GYPC: variants seen among roughly 807,000 people sequenced by gnomAD.
GYPC encodes the protein glycophorin-C.
In GYPC, 14 loss-of-function variants were observed where a neutral mutation model predicts 12.6. That is an observed-to-expected ratio of 1.11 (90% CI 0.74 to 1.74). GYPC has a LOEUF of 1.74. Among genes scored for constraint, GYPC ranks in the 40% most tolerant of loss-of-function variants. The probability of loss-of-function intolerance (pLI) is 0.00; values close to 1 mark genes in which losing one functional copy is unlikely to be tolerated. For missense variants in GYPC, 225 were observed against 172.1 expected (o/e 1.31, Z -1.72); for synonymous variants, 78 against 62.1 (o/e 1.26, Z -1.20).
chr2:126,676,872 C>CA (rs1455040013), intron 1 of GYPC, among the ~76,000 whole-genome samples: 1 of 152,134 alleles, frequency 6.6e-6, no homozygotes, highest in Non-Finnish European at 1.5e-5. Flanking sequence ...GTTTCAGAAG[C>CA]AAAATGAAAT....
At chr2:126,695,071 C>G (rs1449402927) in intron 3 of GYPC, among the ~76,000 whole-genome samples, 2 of 152,174 alleles carry the variant, frequency 1.3e-5, no homozygotes, top group Non-Finnish European at 2.9e-5. Flanking sequence ...CAGATTCGCC[C>G]CGTCCTCAGT....
chr2:126,656,174 G>T lies in GYPC; in HGVS notation c.-90G>T. 1 of 1,520,344 alleles carries T rather than the reference G, an allele frequency of 6.6e-7. No homozygotes were observed. Among genetic ancestry groups the T allele is most frequent in the Non-Finnish European group, 8.8e-7 (1 of 1,132,576 alleles). 94.2% of individuals were successfully genotyped at this position (1,520,344 alleles called of 1,614,324 possible). A position where few individuals can be genotyped will look rare whatever the true frequency, so the allele number is the denominator to read the frequency against. ...GTGCCGCTTCCTCTCGCCGCCGAGG[G>T]TCAGGAGCCCGGGAGCGCGACCCTC... is the stretch of plus-strand genomic sequence containing the variant. On this transcript the variant is annotated 5_prime_UTR_variant, in exon 1 of 4. Coordinates refer to ENST00000259254, the MANE Select transcript of GYPC (RefSeq NM_002101.5).
intron 2 of GYPC, among the ~76,000 whole-genome samples, chr2:126,691,975 A>C (rs182581041): frequency 1.3e-5 from 2 of 152,066 alleles, no homozygotes; most frequent in African/African-American, 4.8e-5. Context: ...AAAGTCTAGA[A>C]CCCCACCACT....
intron 1 of GYPC, among the ~76,000 whole-genome samples, chr2:126,664,290 G>A (rs1231859197): frequency 6.6e-6 from 1 of 151,980 alleles, no homozygotes; most frequent in Non-Finnish European, 1.5e-5. Flanking sequence ...GTCTCAGAGA[G>A]TAGAGATGAG....
In GYPC at chr2:126,693,878, A is replaced by T. The variant is rs775384786; in HGVS notation, c.121A>T (p.Met41Leu). 10 of 1,610,118 alleles carry T rather than the reference A, an allele frequency of 6.2e-6. No individual in the cohort carries two copies. The highest frequency in any genetic ancestry group is 8.5e-6 in the Non-Finnish European group (10 of 1,176,350). Residue 41 changes from methionine to leucine, a missense_variant, in exon 3 of 4, where the codon ATG becomes TTG. Met to Leu is a conservative substitution (Grantham distance 15). Transcript: ENST00000259254. ...TTTIAEPDPG[M>L]SGWPDGRMET... is the part of the protein sequence containing the mutation. The stretch of plus-strand genomic sequence containing the variant: ...TCTGTTCACAGAGCCTGATCCAGGG[A>T]TGTCTGGATGGCCGGATGGCAGAAT...
At chr2:126,670,097 C>T (rs28387129) in intron 1 of GYPC, among the ~76,000 whole-genome samples, 10,417 of 152,246 alleles carry the variant, frequency 0.068, 456 homozygotes, top group Non-Finnish European at 0.1. Context: ...GAATTCCCTG[C>T]GTGTGAGGCC....
intron 3 of GYPC, among the ~76,000 whole-genome samples, chr2:126,694,336 C>T (rs1243813958): frequency 6.6e-6 from 1 of 152,110 alleles, no homozygotes; most frequent in Non-Finnish European, 1.5e-5. Flanking sequence ...GACCCTCAAC[C>T]CTCCATCCTC....
chr2:126,662,541 G>A (rs1181350970), intron 1 of GYPC, among the ~76,000 whole-genome samples: 3 of 152,164 alleles, frequency 2.0e-5, no homozygotes, highest in Non-Finnish European at 4.4e-5. Context: ...CTGGTCCATC[G>A]TCTGGCACAG....
chr2:126,671,313 C>T (rs1395202819), intron 1 of GYPC, among the ~76,000 whole-genome samples: 4 of 152,188 alleles, frequency 2.6e-5, no homozygotes, highest in Non-Finnish European at 4.4e-5. Context: ...GGGCAGGTGC[C>T]GGAGGGAGAG....
intron 1 of GYPC, among the ~76,000 whole-genome samples, chr2:126,683,802 A>G (rs1041114413): frequency 6.6e-6 from 1 of 152,164 alleles, no homozygotes; most frequent in Middle Eastern, 3.4e-3. Context: ...ATCCAGCAAG[A>G]CTCCAAGATG....
intron 1 of GYPC, 40 bp from the exon 2 acceptor site, chr2:126,690,215 T>C: frequency 3.3e-6 from 5 of 1,511,334 alleles, no homozygotes; most frequent in Non-Finnish European, 4.6e-6. Flanking sequence ...GCATGGAGAG[T>C]CTTCCTCTCT....
chr2:126,696,263 G>T lies in GYPC; in HGVS notation c.*121G>T, dbSNP rs1029563143. On this transcript the variant is annotated 3_prime_UTR_variant, in exon 4 of 4. Transcript: ENST00000259254. ...AGAGAGAGAGCACTTGATTCTTCCC[G>T]AGATAGCCACCTGGAAACACTAGGT... 6 of 797,322 alleles carry T rather than the reference G, an allele frequency of 7.5e-6. No individual in the cohort carries two copies. The highest frequency in any genetic ancestry group is 3.4e-5 in the African/African-American group (2 of 58,704). The allele number at this position is 797,322 out of a possible 1,614,324, so 49.4% of individuals were successfully genotyped here. A position where few individuals can be genotyped will look rare whatever the true frequency, so the allele number is the denominator to read the frequency against.
intron 1 of GYPC, among the ~76,000 whole-genome samples, chr2:126,666,018 G>A (rs961409312): frequency 2.0e-5 from 3 of 152,120 alleles, no homozygotes; most frequent in Non-Finnish European, 2.9e-5. Flanking sequence ...CCCTGAGGTC[G>A]CTCTCCTGGC....
intron 1 of GYPC, among the ~76,000 whole-genome samples, chr2:126,684,715 A>G (rs752962036): frequency 8.4e-4 from 128 of 152,186 alleles, no homozygotes; most frequent in Non-Finnish European, 4.6e-4. Flanking sequence ...AGGTGCTACA[A>G]AAGGTTTGCT....
chr2:126,660,598 C>A (rs1239073055), intron 1 of GYPC, among the ~76,000 whole-genome samples: 1 of 152,166 alleles, frequency 6.6e-6, no homozygotes, highest in Non-Finnish European at 1.5e-5. Flanking sequence ...TGTGACCCCG[C>A]CTGTCCCCCA....
At chr2:126,670,395 C>T (rs893816360) in intron 1 of GYPC, among the ~76,000 whole-genome samples, 5 of 152,242 alleles carry the variant, frequency 3.3e-5, no homozygotes, top group African/African-American at 1.2e-4. Context: ...CCACCCACCT[C>T]ACCTCCCCAT....
intron 1 of GYPC, among the ~76,000 whole-genome samples, chr2:126,674,443 A>G (rs28387139): frequency 0.023 from 2,035 of 87,224 alleles, 53 homozygotes; most frequent in African/African-American, 0.086. Context: ...GAAGGACCTG[A>G]TGGGAAACAA....
Position 126,696,325 on chromosome 2 carries a change from C to T in GYPC, c.*183C>T. 3.2e-6 allele frequency: 2 copies of T among 626,946 alleles called. No homozygotes were observed. The highest frequency in any genetic ancestry group is 2.3e-5 in the Admixed American group (1 of 44,044). 38.8% of individuals were successfully genotyped at this position (626,946 alleles called of 1,614,324 possible). ...GAGGAACGGAGGAGGACTCGCGCTA[C>T]AAGAGGCCACTCCCAGGGACCCAGG... is the stretch of plus-strand genomic sequence containing the variant. On this transcript the variant is annotated 3_prime_UTR_variant, in exon 4 of 4. Transcript: ENST00000259254.
chr2:126,687,810 T>G (rs371000940), intron 1 of GYPC, among the ~76,000 whole-genome samples: 2 of 152,144 alleles, frequency 1.3e-5, no homozygotes, highest in East Asian at 3.9e-4. Context: ...TGGAAGTGTG[T>G]GTAGTCTCCC....
Sources: allele counts gnomAD v4.1 joint callset (sites outside exome capture counted in the v4.1 genomes callset), GRCh38; gene constraint gnomAD v4.1.1; transcripts MANE v1.5; gene names NCBI Gene and HGNC (gene_info 2026-07-23, HGNC 2026-07-21).